The following CACUL1 variants were observed in gnomAD, a reference collection of about 807,000 sequenced individuals.
The protein encoded by CACUL1 is CDK2 associated cullin domain 1.
A neutral mutation model predicts 45.2 loss-of-function variants in CACUL1; 13 were observed. The observed-to-expected ratio is 0.29, with a 90% CI of 0.19 to 0.46. The LOEUF (loss-of-function observed/expected upper bound fraction) is 0.46. Ranked by LOEUF, CACUL1 falls within the 20% of genes least tolerant of loss-of-function variation. The pLI, the probability that CACUL1 is intolerant of heterozygous loss-of-function variation, is 1.00. For synonymous variants in CACUL1, 197 were observed against 174.2 expected (o/e 1.13, Z -1.03); for missense variants, 421 against 471.4 (o/e 0.89, Z 0.99).
At chr10:118,722,191 C>G (rs1039680076) in intron 3 of CACUL1, among the ~76,000 whole-genome samples, 2 of 151,476 alleles carry the variant, frequency 1.3e-5, no homozygotes, top group African/African-American at 4.9e-5. Context: ...TCAAGTGATT[C>G]TCCTGCCTCA....
chr10:118,697,065 T>C (rs559624298), intron 5 of CACUL1, among the ~76,000 whole-genome samples: 67 of 152,320 alleles, frequency 4.4e-4, no homozygotes, highest in African/African-American at 1.6e-3. Context: ...TTAAAATGAT[T>C]TTAGGAAAAC....
intron 1 of CACUL1, among the ~76,000 whole-genome samples, chr10:118,740,925 CAA>C (rs1413058257): frequency 1.7e-5 from 1 of 60,258 alleles, no homozygotes. Flanking sequence ...GATTCCATCT[CAA>C]AAAAAAAAAA....
intron 1 of CACUL1, among the ~76,000 whole-genome samples, chr10:118,752,905 G>T (rs1845910997): frequency 6.6e-6 from 1 of 151,882 alleles, no homozygotes; most frequent in Non-Finnish European, 1.5e-5. Context: ...TCTGATATTT[G>T]TAGTTATTTT....
At position 118,719,214 on chromosome 10, in the gene CACUL1, G is replaced by A. The variant is rs572288941; in HGVS notation, c.597+10081C>T. On this transcript the variant is annotated intron_variant, in intron 3 of 8. Coordinates refer to ENST00000369151, the MANE Select transcript of CACUL1 (RefSeq NM_153810.5). ...AAAATTCTCAAATAGTTTATTCCAA[G>A]TCCTTTAACATTTATTCCTATAATA... Among the ~76,000 whole-genome samples the A allele has an allele frequency of 2.6e-5, 4 of 152,280 alleles. No individual in the cohort carries two copies. In the South Asian group the frequency reaches 8.3e-4, roughly 32 times the overall value.
At chr10:118,717,184 A>C (rs1394379824) in intron 3 of CACUL1, among the ~76,000 whole-genome samples, 1 of 152,194 alleles carries the variant, frequency 6.6e-6, no homozygotes, top group Non-Finnish European at 1.5e-5. Flanking sequence ...AGCCTCTTCC[A>C]AGAAATGAGA....
At chr10:118,710,868 G>GTC (rs1845477492) in intron 3 of CACUL1, among the ~76,000 whole-genome samples, 1 of 152,142 alleles carries the variant, frequency 6.6e-6, no homozygotes, top group Non-Finnish European at 1.5e-5. Flanking sequence ...AAGGCTGTAT[G>GTC]ACATTAGGGA....
intron 4 of CACUL1, among the ~76,000 whole-genome samples, chr10:118,703,283 T>C (rs1020260618): frequency 1.2e-4 from 19 of 152,168 alleles, no homozygotes; most frequent in African/African-American, 4.1e-4. Flanking sequence ...AGGATGTTCC[T>C]TGCATATACA....
At chr10:118,689,793 A>C (rs1034167397) in intron 7 of CACUL1, among the ~76,000 whole-genome samples, 1 of 152,220 alleles carries the variant, frequency 6.6e-6, no homozygotes, top group Non-Finnish European at 1.5e-5. Flanking sequence ...TTGCTCTGGA[A>C]GGCAAACTCA....
intron 1 of CACUL1, among the ~76,000 whole-genome samples, chr10:118,741,721 C>T (rs767533891): frequency 1.3e-5 from 2 of 152,128 alleles, no homozygotes; most frequent in Non-Finnish European, 2.9e-5. Context: ...GCCCCTAGAC[C>T]TCCACTCTCT....
chr10:118,748,007 C>G (rs920107282), intron 1 of CACUL1, among the ~76,000 whole-genome samples: 7 of 152,122 alleles, frequency 4.6e-5, no homozygotes, highest in African/African-American at 1.7e-4. Flanking sequence ...ATCACTTGAA[C>G]CCGGGAGCCA....
rs960823231 is a variant in CACUL1, at chr10:118,678,563, T to C, written c.*7565A>G. 1 of 152,244 alleles carries C rather than the reference T, an allele frequency of 6.6e-6. No homozygotes were observed. The highest frequency in any genetic ancestry group is 2.4e-5 in the African/African-American group (1 of 41,460). 9.4% of individuals were successfully genotyped at this position (152,244 alleles called of 1,614,324 possible). A position where few individuals can be genotyped will look rare whatever the true frequency, so the allele number is the denominator to read the frequency against. On this transcript the variant is annotated 3_prime_UTR_variant, in exon 9 of 9. Coordinates refer to ENST00000369151, the MANE Select transcript of CACUL1 (RefSeq NM_153810.5). ...TGCAATTTGGAGAAAAAGTTGAGAT[T>C]TAGATAATATTGAGTGTTATCCCTT...
At chr10:118,728,764 G>A (rs1306699015) in intron 3 of CACUL1, among the ~76,000 whole-genome samples, 1 of 152,166 alleles carries the variant, frequency 6.6e-6, no homozygotes, top group African/African-American at 2.4e-5. Flanking sequence ...AGTGGGCAGG[G>A]GGAGGATCAA....
At chr10:118,752,199 C>T (rs982362188) in intron 1 of CACUL1, among the ~76,000 whole-genome samples, 1 of 152,070 alleles carries the variant, frequency 6.6e-6, no homozygotes, top group Non-Finnish European at 1.5e-5. Flanking sequence ...TCCTACAATG[C>T]TAAACAGTAG....
chr10:118,705,893 A>G (rs539665270), intron 4 of CACUL1, among the ~76,000 whole-genome samples: 1 of 152,328 alleles, frequency 6.6e-6, no homozygotes, highest in African/African-American at 2.4e-5. Flanking sequence ...CAATTTACAT[A>G]ACAAATTCTC....
intron 1 of CACUL1, among the ~76,000 whole-genome samples, chr10:118,742,850 G>A (rs1429710682): frequency 3.9e-5 from 6 of 152,126 alleles, no homozygotes; most frequent in African/African-American, 9.7e-5. Flanking sequence ...AGAACTATAA[G>A]ACTTTAATAC....
At chr10:118,706,964 C>G (rs1352506666) in intron 4 of CACUL1, among the ~76,000 whole-genome samples, 1 of 152,166 alleles carries the variant, frequency 6.6e-6, no homozygotes, top group Non-Finnish European at 1.5e-5. Flanking sequence ...AAGGGCTCCT[C>G]CATTCAACAG....
intron 1 of CACUL1, among the ~76,000 whole-genome samples, chr10:118,740,833 G>A (rs1229053187): frequency 6.6e-6 from 1 of 151,046 alleles, no homozygotes; most frequent in Admixed American, 6.6e-5. Flanking sequence ...GGCTGAGGCA[G>A]GAGAATAGCG....
chr10:118,746,160 A>G (rs1022729087), intron 1 of CACUL1, among the ~76,000 whole-genome samples: 1 of 151,850 alleles, frequency 6.6e-6, no homozygotes, highest in Non-Finnish European at 1.5e-5. Context: ...TCAAAAAAAA[A>G]AAAAAAGGAG....
intron 3 of CACUL1, among the ~76,000 whole-genome samples, chr10:118,727,705 A>G (rs1377428199): frequency 2.6e-5 from 4 of 152,238 alleles, no homozygotes; most frequent in East Asian, 3.8e-4. Context: ...ATATTCATCA[A>G]TCAAAAACTG....
Sources: gnomAD v4.1 joint callset for allele counts (sites outside exome capture counted in the v4.1 genomes callset) on GRCh38, gnomAD v4.1.1 for gene constraint, MANE v1.5 for transcripts, NCBI Gene and HGNC (gene_info 2026-07-23, HGNC 2026-07-21) for gene names.